The following NMI variants were observed in gnomAD, a reference collection of about 807,000 sequenced individuals.
The protein encoded by NMI is N-myc-interactor.
In NMI, 39 loss-of-function variants were observed where a neutral mutation model predicts 34.3. The observed-to-expected ratio is 1.14, with a 90% confidence interval of 0.88 to 1.49. NMI has a LOEUF of 1.49. NMI is among the 40% of genes most tolerant of loss of function. The pLI, the probability that NMI is intolerant of heterozygous loss-of-function variation, is 0.00. For missense variants in NMI, 339 were observed against 358.1 expected, an observed-to-expected ratio of 0.95 and a Z score of 0.43; for synonymous variants, 113 against 120.3, an observed-to-expected ratio of 0.94 and a Z score of 0.40.
At chr2:151,279,690 G>C (rs949212478) in intron 3 of NMI, among the ~76,000 whole-genome samples, 5 of 152,004 alleles carry the variant, frequency 3.3e-5, no homozygotes, top group Non-Finnish European at 7.4e-5. Context: ...CACCACGTTG[G>C]CCAGGATGGT....
chr2:151,282,494 C>G (rs143777582), intron 2 of NMI, among the ~76,000 whole-genome samples: 1 of 152,080 alleles, frequency 6.6e-6, no homozygotes, highest in Non-Finnish European at 1.5e-5. Flanking sequence ...CCCATAGTAT[C>G]GCATAGTACA....
chr2:151,288,800 G>A (rs1482346391), intron 1 of NMI: 1 of 152,214 alleles, frequency 6.6e-6, no homozygotes, highest in African/African-American at 2.4e-5. Flanking sequence ...TGTACAGACT[G>A]GAAACACAGT....
chr2:151,282,792 C>T, intron 2 of NMI, 76 bp downstream of exon 2: 2 of 734,968 alleles, frequency 2.7e-6, no homozygotes, highest in South Asian at 4.3e-5. Flanking sequence ...TGGACAAAGA[C>T]ATACAAAACA....
intron 6 of NMI, among the ~76,000 whole-genome samples, chr2:151,271,992 T>C (rs536960073): frequency 6.6e-6 from 1 of 152,248 alleles, no homozygotes; most frequent in Non-Finnish European, 1.5e-5. Context: ...AGGGTTGCAA[T>C]GTCCTCAGAC....
At chr2:151,284,295 T>C (rs1683455855) in intron 1 of NMI, among the ~76,000 whole-genome samples, 1 of 151,908 alleles carries the variant, frequency 6.6e-6, no homozygotes, top group South Asian at 2.1e-4. Flanking sequence ...TATTTTATTT[T>C]ATGCATTTAA....
At chr2:151,285,356 G>GAGATAGAT (rs71403153) in intron 1 of NMI, among the ~76,000 whole-genome samples, 73 of 147,612 alleles carry the variant, frequency 4.9e-4, no homozygotes, top group South Asian at 6.6e-4. Context: ...ATTGATGATT[G>GAGATAGAT]AGATAGATAG....
rs1466895406 is a variant in NMI at position 151,271,685 on chromosome 2, G to C, written c.682C>G (p.Gln228Glu). The C allele has an allele frequency of 1.3e-6, 2 of 1,589,360 alleles. No homozygotes were observed. The highest frequency in any genetic ancestry group is 1.7e-5 in the Admixed American group (1 of 59,246). The change falls in exon 7 of 8, where the codon CAA becomes GAA. Residue 228 changes from glutamine (Q) to glutamate (E), a missense_variant. By Grantham distance (29) the Gln-to-Glu change is conservative. Coordinates refer to ENST00000243346, the MANE Select transcript of NMI (RefSeq NM_004688.3). ...KKKEYPLYIN[Q>E]TCHRVTVSPY... ...GAAACAGTAACTCTATGGCAGGTTT[G>C]ATTTATATAAAGAGGGTATTCTTTC...
rs764574213 is a variant in NMI, at chr2:151,270,712, A to C, written c.905T>G (p.Ile302Arg). Residue 302 changes from isoleucine to arginine, a missense_variant, in exon 8 of 8, where the codon ATA (isoleucine) becomes AGA (arginine). Transcript: ENST00000243346. ...VVKCSLGQPH[I>R]AYFEE is the part of the protein sequence containing the mutation. ...TTAAGTCTATTCTTCAAAGTATGCTATGTGAGGTTGACCTAGAGAACACTT... is the reference window on the plus strand; with the variant it reads ...TTAAGTCTATTCTTCAAAGTATGCTCTGTGAGGTTGACCTAGAGAACACTT... The C allele has an allele frequency of 1.4e-5, 22 of 1,613,668 alleles. No homozygotes were observed. In the East Asian group the frequency reaches 4.5e-4, roughly 33 times the overall value.
At chr2:151,276,121 T>C (rs1276016229) in intron 4 of NMI, among the ~76,000 whole-genome samples, 3 of 152,140 alleles carry the variant, frequency 2.0e-5, no homozygotes, top group African/African-American at 7.2e-5. Flanking sequence ...GATGTGATCA[T>C]AGCTCACTGT....
intron 2 of NMI, 100 bp downstream of exon 2, chr2:151,282,768 A>C (rs1683428742): frequency 6.6e-6 from 4 of 603,878 alleles, no homozygotes; most frequent in Non-Finnish European, 1.1e-5. Flanking sequence ...GGCCTCCCAA[A>C]TTCAAGGTAA....
At chr2:151,287,167 G>T (rs144198187) in intron 1 of NMI, among the ~76,000 whole-genome samples, 1 of 151,904 alleles carries the variant, frequency 6.6e-6, no homozygotes, top group Non-Finnish European at 1.5e-5. Context: ...AAAGATGATA[G>T]GTCACCAGAT....
intron 5 of NMI, 38 bp downstream of exon 5, chr2:151,275,720 A>G: frequency 6.2e-7 from 1 of 1,609,064 alleles, no homozygotes; most frequent in Non-Finnish European, 8.5e-7. Context: ...AGTGCTTGTG[A>G]TGAACAGAAA....
Position 151,270,811 on chromosome 2 carries a change from T to A in NMI, c.806A>T (p.Glu269Val), listed in dbSNP as rs759274600. ...GTTAATTAAATCCTCCACAATTTCT[T>A]CATCCATTTGAATGCCTTCCATTCC... The part of the protein sequence containing the change: ...LTGMEGIQMD[E>V]EIVEDLINIH... Residue 269 changes from glutamate to valine, a missense_variant, in exon 8 of 8, where the codon GAA becomes GTA. Glu to Val is a moderately radical substitution (Grantham distance 121, BLOSUM62 -2). Transcript: ENST00000243346. 1 of 1,613,950 alleles carries A rather than the reference T, an allele frequency of 6.2e-7. No homozygotes were observed. The highest frequency in any genetic ancestry group is 1.1e-5 in the South Asian group (1 of 91,070).
At chr2:151,286,382 C>T (rs907857048) in intron 1 of NMI, among the ~76,000 whole-genome samples, 3 of 152,160 alleles carry the variant, frequency 2.0e-5, no homozygotes, top group Admixed American at 2.0e-4. Flanking sequence ...CTGAAGGAGA[C>T]TAAAGAGACC....
chr2:151,278,674 T>C, intron 4 of NMI, 154 bp downstream of exon 4: 1 of 609,950 alleles, frequency 1.6e-6, no homozygotes, highest in South Asian at 2.0e-5. Context: ...GTCAGTTTTC[T>C]CATCTGTAAA....
chr2:151,275,406 G>A, intron 6 of NMI, 78 bp downstream of exon 6: 2 of 1,274,226 alleles, frequency 1.6e-6, no homozygotes, highest in South Asian at 1.3e-5. Flanking sequence ...AAAAGAAGTA[G>A]AATAGGAATA....
At chr2:151,285,616 A>T (rs1404854495) in intron 1 of NMI, among the ~76,000 whole-genome samples, 9 of 151,118 alleles carry the variant, frequency 6.0e-5, no homozygotes, top group Non-Finnish European at 1.2e-4. Flanking sequence ...AGCAATGCCT[A>T]TGTGTGTATC....
chr2:151,288,629 A>G (rs1335054704), intron 1 of NMI, among the ~76,000 whole-genome samples: 1 of 152,150 alleles, frequency 6.6e-6, no homozygotes, highest in African/African-American at 2.4e-5. Flanking sequence ...CACTAAAGCC[A>G]TGTAATTTGT....
intron 4 of NMI, 108 bp downstream of exon 4, chr2:151,278,720 T>C (rs1025526431): frequency 1.9e-5 from 16 of 860,614 alleles, no homozygotes; most frequent in Non-Finnish European, 2.9e-5. Flanking sequence ...AACGTCACTA[T>C]GAGGATAAGA....
Sources: gnomAD v4.1 joint callset for allele counts (sites outside exome capture counted in the v4.1 genomes callset) on GRCh38, gnomAD v4.1.1 for gene constraint, MANE v1.5 for transcripts, NCBI Gene and HGNC (gene_info 2026-07-23, HGNC 2026-07-21) for gene names.